The following UTS2B variants were observed in gnomAD, a reference collection of about 807,000 sequenced individuals.
The protein encoded by UTS2B is urotensin-2B.
In UTS2B, 21 loss-of-function variants were observed where a neutral mutation model predicts 19.2. That is an observed-to-expected ratio of 1.09 (90% CI 0.78 to 1.58). UTS2B has a LOEUF of 1.58. Ranked by LOEUF, UTS2B falls within the 40% of genes most tolerant of loss-of-function variation. The probability of loss-of-function intolerance (pLI) is 0.00; values close to 1 mark genes in which losing one functional copy is unlikely to be tolerated. For missense variants in UTS2B, 138 were observed against 130.3 expected (o/e 1.06, Z -0.29); for synonymous variants, 57 against 50.2 (o/e 1.14, Z -0.58).
chr3:191,327,145 A>AT (rs1177518172), intron 2 of UTS2B, among the ~76,000 whole-genome samples: 4 of 152,196 alleles, frequency 2.6e-5, no homozygotes. Flanking sequence ...ACTGTAAGTG[A>AT]TTTTACTGAA....
At chr3:191,308,166 A>C (rs185540839) in intron 3 of UTS2B, among the ~76,000 whole-genome samples, 15 of 152,276 alleles carry the variant, frequency 9.9e-5, no homozygotes, top group Middle Eastern at 3.4e-3. Context: ...GAAAACGCAG[A>C]AATAGTTGGG....
chr3:191,324,999 GA>G (rs1266642689), intron 2 of UTS2B, among the ~76,000 whole-genome samples: 1 of 152,036 alleles, frequency 6.6e-6, no homozygotes, highest in Non-Finnish European at 1.5e-5. Context: ...GCAGTGAACC[GA>G]GATTGTGCCA....
At chr3:191,275,025 T>C (rs543250395) in intron 8 of UTS2B, among the ~76,000 whole-genome samples, 1 of 152,224 alleles carries the variant, frequency 6.6e-6, no homozygotes, top group African/African-American at 2.4e-5. Context: ...TAAGGACCTA[T>C]TTTATTTAAA....
chr3:191,289,279 G>A (rs1307064917), intron 4 of UTS2B, among the ~76,000 whole-genome samples: 1 of 151,860 alleles, frequency 6.6e-6, no homozygotes, highest in Admixed American at 6.6e-5. Context: ...CATGGTGGCA[G>A]GCGCCTGTAG....
At chr3:191,345,079 T>A in the UTS2B span, among the ~76,000 whole-genome samples, 1 of 152,164 alleles carries the variant, frequency 6.6e-6, no homozygotes, top group African/African-American at 2.4e-5. Context: ...GATGTCCTGA[T>A]TGAGCTCATT....
At chr3:191,331,583 AT>A (rs528691578), upstream of UTS2B, among the ~76,000 whole-genome samples, 35 of 152,168 alleles carry the variant, frequency 2.3e-4, no homozygotes, top group Non-Finnish European at 4.7e-4. Context: ...TTAAATATTA[AT>A]TTTGAAGGTG....
chr3:191,268,418 A>G lies in UTS2B; in HGVS notation c.358T>C (p.Ter120GlnextTer10). 1 of 1,562,986 alleles carries G rather than the reference A, an allele frequency of 6.4e-7. No homozygotes were observed. Among genetic ancestry groups the G allele is most frequent in the Non-Finnish European group, 8.8e-7 (1 of 1,142,454 alleles). The part of the protein sequence containing the change: ...KRACFWKYCV[*>Q] Reference sequence around the variant, plus strand: ...TTTTTGCATCCAGAGAAAAAGCTTTAAACACAGTATTTCCAAAAGCAAGCT... The same window carrying G: ...TTTTTGCATCCAGAGAAAAAGCTTTGAACACAGTATTTCCAAAAGCAAGCT... The change falls in exon 9 of 9, where the codon TAA becomes CAA. Residue 120 changes from the stop codon to glutamine (Q), a stop_lost. Coordinates refer to ENST00000340524, the MANE Select transcript of UTS2B (RefSeq NM_198152.5).
intron 2 of UTS2B, among the ~76,000 whole-genome samples, chr3:191,320,969 G>A (rs1266094106): frequency 1.3e-5 from 2 of 152,196 alleles, no homozygotes; most frequent in Non-Finnish European, 2.9e-5. Context: ...GCCTATAAGA[G>A]ATGATTAGGT....
intron 4 of UTS2B, among the ~76,000 whole-genome samples, chr3:191,290,069 C>G (rs1396883793): frequency 6.6e-6 from 1 of 152,108 alleles, no homozygotes; most frequent in African/African-American, 2.4e-5. Flanking sequence ...AGAATTTTGT[C>G]AAATTTTTAA....
chr3:191,319,111 T>A (rs1044537029), intron 2 of UTS2B, among the ~76,000 whole-genome samples: 55 of 152,246 alleles, frequency 3.6e-4, no homozygotes, highest in African/African-American at 1.3e-3. Context: ...TTCCTCTGTA[T>A]TAGCTCACAG....
intron 3 of UTS2B, among the ~76,000 whole-genome samples, chr3:191,310,120 G>T (rs1303325858): frequency 6.6e-6 from 1 of 151,724 alleles, no homozygotes; most frequent in Admixed American, 6.6e-5. Context: ...GCACCACCAT[G>T]CCTGGCTATT....
chr3:191,318,905 TATTA>T (rs1012231774), intron 2 of UTS2B, among the ~76,000 whole-genome samples: 4 of 152,226 alleles, frequency 2.6e-5, no homozygotes, highest in African/African-American at 9.6e-5. Context: ...ATTTTATATG[TATTA>T]ATCACAGCTG....
chr3:191,314,487 G>A (rs980554868), intron 3 of UTS2B, among the ~76,000 whole-genome samples: 18 of 152,126 alleles, frequency 1.2e-4, no homozygotes, highest in African/African-American at 3.9e-4. Flanking sequence ...TTCTCTCATG[G>A]GTCATTGTGA....
intron 3 of UTS2B, among the ~76,000 whole-genome samples, chr3:191,311,657 G>A (rs1053931974): frequency 1.3e-5 from 2 of 152,298 alleles, no homozygotes; most frequent in African/African-American, 2.4e-5. Flanking sequence ...ATCTTCCACT[G>A]ATGAAGCAGC....
intron 7 of UTS2B, 31 bp from the exon 8 acceptor site, chr3:191,275,376 G>T: frequency 6.4e-7 from 1 of 1,574,484 alleles, no homozygotes. Context: ...TAATTAATTG[G>T]TCTTCTATAA....
chr3:191,307,835 C>G (rs1409850366), intron 3 of UTS2B, among the ~76,000 whole-genome samples: 15 of 136,786 alleles, frequency 1.1e-4, no homozygotes, highest in Non-Finnish European at 1.1e-4. Flanking sequence ...TCGTTTTCTT[C>G]TCTTTTTTTT....
chr3:191,337,970 A>G, the UTS2B span, among the ~76,000 whole-genome samples: 4 of 152,126 alleles, frequency 2.6e-5, no homozygotes, highest in African/African-American at 7.2e-5. Context: ...ATCTTGCCTG[A>G]TGAGCATTTC....
rs1038831346 is a variant in UTS2B at position 191,297,046 on chromosome 3, G to GA, written c.-125+7445dup. On this transcript the variant is annotated intron_variant, in intron 4 of 8. Coordinates refer to ENST00000340524, the MANE Select transcript of UTS2B (RefSeq NM_198152.5). ...AAACAATGTCAACATCTGTGAGAAA[G>GA]AAAAAAAAACCTTTTCTTTAAATGA... Among the ~76,000 whole-genome samples the GA allele has an allele frequency of 1.4e-4, 21 of 151,798 alleles. No homozygotes were observed. In the South Asian group the frequency reaches 2.9e-3, roughly 21 times the overall value.
At chr3:191,301,999 T>C (rs948490087) in intron 4 of UTS2B, among the ~76,000 whole-genome samples, 1 of 152,138 alleles carries the variant, frequency 6.6e-6, no homozygotes, top group Non-Finnish European at 1.5e-5. Context: ...GGTTGAGGTC[T>C]GCTGGGCTGC....
Sources: gnomAD v4.1 joint callset for allele counts (sites outside exome capture counted in the v4.1 genomes callset) on GRCh38, gnomAD v4.1.1 for gene constraint, MANE v1.5 for transcripts, NCBI Gene and HGNC (gene_info 2026-07-23, HGNC 2026-07-21) for gene names.